The following TFPI variants were observed in gnomAD, a reference collection of about 807,000 sequenced individuals.
TFPI encodes anti-convertin.
Under a neutral mutation model 34.6 loss-of-function variants are expected in TFPI, and 15 were observed. The ratio of observed to expected loss-of-function variants is 0.43; its 90% CI spans 0.29 to 0.67. The LOEUF (loss-of-function observed/expected upper bound fraction) is 0.67. Ranked by LOEUF, TFPI falls within the 30% of genes least tolerant of loss-of-function variation. The pLI is 0.15. For missense variants in TFPI, 301 were observed against 364.0 expected (o/e 0.83, Z 1.41); for synonymous variants, 105 against 120.1 (o/e 0.87, Z 0.82).
chr2:187,528,903 T>C (rs1337898664), intron 1 of TFPI, among the ~76,000 whole-genome samples: 3 of 151,946 alleles, frequency 2.0e-5, no homozygotes, highest in African/African-American at 7.3e-5. Flanking sequence ...AACACTGATG[T>C]ATAGATTGAG....
chr2:187,488,700 G>A (rs1350820854), intron 3 of TFPI, among the ~76,000 whole-genome samples: 2 of 151,366 alleles, frequency 1.3e-5, no homozygotes, highest in African/African-American at 2.4e-5. Flanking sequence ...TTTTAAAAAT[G>A]TGAAATATGA....
chr2:187,532,991 A>C (rs1341212113), intron 1 of TFPI, among the ~76,000 whole-genome samples: 1 of 151,774 alleles, frequency 6.6e-6, no homozygotes, highest in Non-Finnish European at 1.5e-5. Context: ...CCTCAAACCC[A>C]CTGTAGCCAG....
Position 187,473,777 on chromosome 2 carries a change from G to T in TFPI, c.629-5845C>A, listed in dbSNP as rs187800301. 6.6e-3 allele frequency among the ~76,000 whole-genome samples: 1,002 copies of T among 151,108 alleles called. 13 individuals carry two copies. The highest frequency in any genetic ancestry group is 0.023 in the African/African-American group (952 of 41,306). Reference sequence around the variant, plus strand: ...ATAAAGAAAAAAAAAACGGGGAAGGGAATGGAAAAACAAGCACTGTGGAGC... The same window carrying T: ...ATAAAGAAAAAAAAAACGGGGAAGGTAATGGAAAAACAAGCACTGTGGAGC... On this transcript the variant is annotated intron_variant, in intron 6 of 7. Coordinates refer to ENST00000233156, the MANE Select transcript of TFPI (RefSeq NM_006287.6).
intron 1 of TFPI, among the ~76,000 whole-genome samples, chr2:187,521,768 C>T (rs1229958974): frequency 2.0e-5 from 3 of 151,992 alleles, no homozygotes; most frequent in African/African-American, 7.3e-5. Flanking sequence ...AGGGTTTCAC[C>T]ATGTTGGCCA....
At chr2:187,535,153 C>T (rs185449514) in intron 1 of TFPI, among the ~76,000 whole-genome samples, 3 of 152,110 alleles carry the variant, frequency 2.0e-5, no homozygotes, top group Admixed American at 1.3e-4. Context: ...ACTTTAACAC[C>T]CCACTGTCAA....
chr2:187,496,782 A>G, intron 3 of TFPI, 99 bp downstream of exon 3: 1 of 1,090,420 alleles, frequency 9.2e-7, no homozygotes, highest in Non-Finnish European at 1.3e-6. Flanking sequence ...GGAAATATTA[A>G]AACAGCATGA....
chr2:187,479,404 T>C (rs754486883), intron 6 of TFPI, among the ~76,000 whole-genome samples: 84 of 151,470 alleles, frequency 5.5e-4, no homozygotes, highest in South Asian at 2.1e-4. Context: ...AGATATATAA[T>C]TACATTATGT....
intron 1 of TFPI, among the ~76,000 whole-genome samples, chr2:187,506,482 AAGTCC>A: frequency 6.6e-6 from 1 of 152,100 alleles, no homozygotes. Context: ...TTACTAACTA[AAGTCC>A]ATATGTTAAT....
chr2:187,487,752 CAATT>C (rs1574405274), intron 4 of TFPI, among the ~76,000 whole-genome samples: 2 of 151,368 alleles, frequency 1.3e-5, no homozygotes, highest in Admixed American at 6.6e-5. Context: ...TTAAATTACA[CAATT>C]AAACATACAC....
intron 6 of TFPI, among the ~76,000 whole-genome samples, chr2:187,473,108 G>T (rs961238975): frequency 6.6e-6 from 1 of 152,100 alleles, no homozygotes; most frequent in Admixed American, 6.6e-5. Flanking sequence ...AGAAAAACCT[G>T]CATGTTAGAA....
At chr2:187,540,183 G>A (rs1031823345) in intron 1 of TFPI, among the ~76,000 whole-genome samples, 7 of 152,152 alleles carry the variant, frequency 4.6e-5, no homozygotes, top group Non-Finnish European at 8.8e-5. Context: ...GATTACAGGC[G>A]TGAGTCACCG....
At chr2:187,487,382 T>G (rs905427829) in intron 4 of TFPI, among the ~76,000 whole-genome samples, 1 of 151,522 alleles carries the variant, frequency 6.6e-6, no homozygotes, top group Non-Finnish European at 1.5e-5. Context: ...TATCTTTATT[T>G]TATACATTTT....
intron 1 of TFPI, among the ~76,000 whole-genome samples, chr2:187,550,458 A>G (rs1403085554): frequency 6.6e-6 from 1 of 152,126 alleles, no homozygotes; most frequent in East Asian, 1.9e-4. Context: ...ACAGTTTCCA[A>G]GTACTTTAAC....
intron 4 of TFPI, among the ~76,000 whole-genome samples, chr2:187,486,248 T>C (rs8176510): frequency 0.48 from 73,185 of 151,314 alleles, 18,714 homozygotes; most frequent in East Asian, 0.66. Flanking sequence ...TAAAATGTTA[T>C]AACATTTTAT....
At chr2:187,511,832 T>G (rs1424952211) in intron 1 of TFPI, among the ~76,000 whole-genome samples, 9 of 143,232 alleles carry the variant, frequency 6.3e-5, no homozygotes, top group East Asian at 2.1e-4. Context: ...GAGAGAGAGA[T>G]AGAGGAAAGA....
chr2:187,544,217 T>A (rs1235039886), intron 1 of TFPI, among the ~76,000 whole-genome samples: 1 of 152,160 alleles, frequency 6.6e-6, no homozygotes. Flanking sequence ...TGAGAGGATA[T>A]CAACAATATA....
At chr2:187,534,900 A>T (rs186682340) in intron 1 of TFPI, among the ~76,000 whole-genome samples, 96 of 151,858 alleles carry the variant, frequency 6.3e-4, no homozygotes, top group African/African-American at 2.0e-3. Flanking sequence ...AAAGCAAAAA[A>T]AAAAATAAAA....
At chr2:187,516,028 G>A (rs937832815) in intron 1 of TFPI, 1 of 152,112 alleles carries the variant, frequency 6.6e-6, no homozygotes, top group African/African-American at 2.4e-5. Context: ...GACGGCTAGT[G>A]GGGATACCAA....
rs370032789 is a variant in TFPI, at chr2:187,481,378, T to A, written c.628+2746A>T. On this transcript the variant is annotated intron_variant, in intron 6 of 7. Coordinates refer to ENST00000233156, the MANE Select transcript of TFPI (RefSeq NM_006287.6). The stretch of plus-strand genomic sequence containing the variant: ...GTAAGCAGTGACAGATGTAATTATA[T>A]TTGATTGGGGAAATTAAGAGGTGTC... Among the ~76,000 whole-genome samples, 23 of 152,094 alleles carry A rather than the reference T, an allele frequency of 1.5e-4. No homozygotes were observed. The East Asian group carries it at 2.1e-3, about 14-fold the overall frequency.
Sources: gnomAD v4.1 joint callset for allele counts (sites outside exome capture counted in the v4.1 genomes callset) on GRCh38, gnomAD v4.1.1 for gene constraint, MANE v1.5 for transcripts, NCBI Gene and HGNC (gene_info 2026-07-23, HGNC 2026-07-21) for gene names.